PRKCA: variants seen among roughly 807,000 people sequenced by gnomAD.
The protein encoded by PRKCA is protein kinase C alpha.
PRKCA carries 27 observed loss-of-function variants against 87.0 expected under a neutral mutation model. The ratio of observed to expected loss-of-function variants is 0.31; its 90% CI spans 0.23 to 0.43. PRKCA has a LOEUF of 0.43. PRKCA is among the 20% of genes least tolerant of loss of function. The pLI is 1.00. For synonymous variants in PRKCA, 329 were observed against 311.1 expected, an observed-to-expected ratio of 1.06 and a Z score of -0.61; for missense variants, 518 against 852.3, an observed-to-expected ratio of 0.61 and a Z score of 4.88.
chr17:66,356,522 C>A (rs1034513540), intron 2 of PRKCA, among the ~76,000 whole-genome samples: 38 of 152,074 alleles, frequency 2.5e-4, no homozygotes, highest in Admixed American at 2.4e-3. Context: ...GTAGTCCCAG[C>A]TACTCGGGAG....
intron 3 of PRKCA, chr17:66,638,320 A>G (rs1340978804): frequency 6.6e-6 from 1 of 152,080 alleles, no homozygotes; most frequent in Non-Finnish European, 1.5e-5. Flanking sequence ...AACAGAGATG[A>G]GCGTTGTTCC....
intron 13 of PRKCA, among the ~76,000 whole-genome samples, chr17:66,757,355 A>G (rs1974572002): frequency 6.6e-6 from 1 of 152,206 alleles, no homozygotes; most frequent in Non-Finnish European, 1.5e-5. Context: ...GGGACAGAGA[A>G]TGTCCCCTGA....
intron 3 of PRKCA, among the ~76,000 whole-genome samples, chr17:66,529,482 C>T (rs1453450443): frequency 3.3e-5 from 5 of 152,234 alleles, no homozygotes; most frequent in East Asian, 1.9e-4. Flanking sequence ...ATGGAGCTCA[C>T]GGGCCATCAA....
chr17:66,735,676 G>A lies in PRKCA; in HGVS notation c.1230+14G>A. 1 of 1,611,094 alleles carries A rather than the reference G, an allele frequency of 6.2e-7. No homozygotes were observed. Among genetic ancestry groups the A allele is most frequent in the Middle Eastern group, 1.7e-4 (1 of 6,044 alleles). On this transcript the variant is annotated intron_variant, in intron 10 of 16. Transcript: ENST00000413366. ...TTCCAGACAGTGGTAAGGACCCTGG[G>A]AATCCCTGCGATGCAGTACCCAGCT...
chr17:66,377,974 G>A (rs970312830), intron 2 of PRKCA, among the ~76,000 whole-genome samples: 1 of 151,800 alleles, frequency 6.6e-6, no homozygotes, highest in East Asian at 1.9e-4. Flanking sequence ...TGGATAAAAG[G>A]GAAAGTTAAG....
intron 2 of PRKCA, among the ~76,000 whole-genome samples, chr17:66,373,357 T>A (rs1439179328): frequency 1.3e-5 from 2 of 152,200 alleles, no homozygotes; most frequent in Non-Finnish European, 2.9e-5. Context: ...GATGAGAGAC[T>A]TGTGGCCCAG....
intron 2 of PRKCA, among the ~76,000 whole-genome samples, chr17:66,377,550 T>TAA (rs1332858897): frequency 6.8e-6 from 1 of 147,728 alleles, no homozygotes; most frequent in Non-Finnish European, 1.5e-5. Context: ...TATGTATATA[T>TAA]AATGCCTATA....
intron 2 of PRKCA, among the ~76,000 whole-genome samples, chr17:66,476,594 A>G (rs914335016): frequency 2.0e-5 from 3 of 152,196 alleles, no homozygotes; most frequent in African/African-American, 7.2e-5. Context: ...AGAAGTGGCC[A>G]TTGGATTTCT....
At chr17:66,533,227 C>T (rs1967629922) in intron 3 of PRKCA, among the ~76,000 whole-genome samples, 1 of 152,222 alleles carries the variant, frequency 6.6e-6, no homozygotes, top group Non-Finnish European at 1.5e-5. Flanking sequence ...CATGAATTCA[C>T]TACTTTTTTC....
Position 66,412,403 on chromosome 17 carries a change from A to G in PRKCA, c.206-83798A>G, listed in dbSNP as rs1388993287. ...TTTATTTACTTTTGCACTTTTACTT[A>G]AAAGAGCGACTGACAAATCAGTTTT... On this transcript the variant is annotated intron_variant, in intron 2 of 16. Transcript: ENST00000413366. 3.3e-5 allele frequency among the ~76,000 whole-genome samples: 5 copies of G among 152,152 alleles called. No homozygotes were observed. In the East Asian group the frequency reaches 9.6e-4, roughly 29 times the overall value.
chr17:66,339,365 T>C (rs1043383528), intron 2 of PRKCA, among the ~76,000 whole-genome samples: 5 of 152,160 alleles, frequency 3.3e-5, no homozygotes, highest in Non-Finnish European at 7.4e-5. Flanking sequence ...AACGGGGAAA[T>C]GAACTCTTCA....
intron 8 of PRKCA, among the ~76,000 whole-genome samples, chr17:66,715,983 C>A (rs1331930044): frequency 2.6e-5 from 4 of 152,206 alleles, no homozygotes; most frequent in African/African-American, 9.6e-5. Flanking sequence ...GATGTCTTTA[C>A]ATTTTAGTGG....
At chr17:66,675,658 G>A (rs1407966734) in intron 5 of PRKCA, among the ~76,000 whole-genome samples, 1 of 152,118 alleles carries the variant, frequency 6.6e-6, no homozygotes, top group Non-Finnish European at 1.5e-5. Context: ...CAGCCCAGAG[G>A]CCCAGAGTGT....
At chr17:66,436,284 T>A (rs1378224599) in intron 2 of PRKCA, among the ~76,000 whole-genome samples, 1 of 152,178 alleles carries the variant, frequency 6.6e-6, no homozygotes, top group Non-Finnish European at 1.5e-5. Context: ...AGAGGCAGTA[T>A]GTCCCTGAAG....
intron 13 of PRKCA, among the ~76,000 whole-genome samples, chr17:66,756,731 A>C (rs189545819): frequency 5.3e-5 from 8 of 152,022 alleles, no homozygotes; most frequent in African/African-American, 1.9e-4. Context: ...GCATGATCTC[A>C]GCTCACTGCA....
chr17:66,783,580 T>G (rs374813974), intron 14 of PRKCA, among the ~76,000 whole-genome samples: 43 of 152,234 alleles, frequency 2.8e-4, no homozygotes, highest in African/African-American at 8.7e-4. Context: ...AGGAGACAAT[T>G]AAGTAGGTGT....
intron 16 of PRKCA, among the ~76,000 whole-genome samples, chr17:66,793,284 C>T (rs548752959): frequency 6.6e-6 from 1 of 152,008 alleles, no homozygotes; most frequent in Non-Finnish European, 1.5e-5. Flanking sequence ...ACAACAAACC[C>T]GAGTCATCAA....
chr17:66,718,276 G>A (rs1480976334), intron 8 of PRKCA, among the ~76,000 whole-genome samples: 1 of 152,104 alleles, frequency 6.6e-6, no homozygotes, highest in East Asian at 1.9e-4. Context: ...CCCACACATG[G>A]TAGATGGGAT....
chr17:66,505,670 G>T (rs1183236725), intron 3 of PRKCA, among the ~76,000 whole-genome samples: 2 of 152,130 alleles, frequency 1.3e-5, no homozygotes, highest in African/African-American at 4.8e-5. Flanking sequence ...AGCCTTTTGA[G>T]GTGGGTAGAA....
Sources: allele counts gnomAD v4.1 joint callset (sites outside exome capture counted in the v4.1 genomes callset), GRCh38; gene constraint gnomAD v4.1.1; transcripts MANE v1.5; gene names NCBI Gene and HGNC (gene_info 2026-07-23, HGNC 2026-07-21).